SPIN1: variants seen among roughly 807,000 people sequenced by gnomAD.
The protein encoded by SPIN1 is spindlin-1.
Under a neutral mutation model 26.0 loss-of-function variants are expected in SPIN1, and 3 were observed. The ratio of observed to expected loss-of-function variants is 0.12; its 90% CI spans 0.05 to 0.30. The LOEUF is 0.30. Ranked by LOEUF, SPIN1 falls within the 10% of genes least tolerant of loss-of-function variation. The probability of loss-of-function intolerance (pLI) is 1.00; values close to 1 mark genes in which losing one functional copy is unlikely to be tolerated. For missense variants in SPIN1, 126 were observed against 333.4 expected (o/e 0.38, Z 4.84); for synonymous variants, 101 against 116.5 (o/e 0.87, Z 0.86).
intron 1 of SPIN1, among the ~76,000 whole-genome samples, chr9:88,401,345 A>T (rs946220330): frequency 6.6e-6 from 1 of 151,984 alleles, no homozygotes; most frequent in African/African-American, 2.4e-5. Context: ...CACTGTTAAT[A>T]ATAAGAGGTT....
At chr9:88,393,911 G>A (rs1826993510) in intron 1 of SPIN1, among the ~76,000 whole-genome samples, 1 of 151,984 alleles carries the variant, frequency 6.6e-6, no homozygotes, top group South Asian at 2.1e-4. Context: ...GCAGTGGTGT[G>A]ACCTTGGCTT....
chr9:88,427,300 A>T (rs1169606000), intron 2 of SPIN1, among the ~76,000 whole-genome samples: 3 of 152,130 alleles, frequency 2.0e-5, no homozygotes, highest in Non-Finnish European at 2.9e-5. Context: ...ATTTAGAACA[A>T]TTTCTTCTAT....
Position 88,404,915 on chromosome 9 carries a change from C to CA in SPIN1, c.-159+16391dup, listed in dbSNP as rs112038274. 5.0e-3 allele frequency among the ~76,000 whole-genome samples: 421 copies of CA among 83,418 alleles called. 9 individuals carry two copies. The highest frequency in any genetic ancestry group is 0.016 in the East Asian group (35 of 2,200). The allele number at this position is 83,418 out of a possible 152,430, so 54.7% of individuals were successfully genotyped here. A position where few individuals can be genotyped will look rare whatever the true frequency, so the allele number is the denominator to read the frequency against. ...TGGGGGCAAGAGTGAGATTTCGTCT[C>CA]AAAAAAAAAAAAAACAAAAAAAAAA... On this transcript the variant is annotated intron_variant, in intron 1 of 5. Coordinates refer to ENST00000375859, the MANE Select transcript of SPIN1 (RefSeq NM_006717.3).
At chr9:88,441,736 A>G (rs1302542282) in intron 2 of SPIN1, among the ~76,000 whole-genome samples, 2 of 151,180 alleles carry the variant, frequency 1.3e-5, no homozygotes, top group East Asian at 1.9e-4. Flanking sequence ...AGCCTGGGCC[A>G]CAGAGTGAGA....
intron 1 of SPIN1, among the ~76,000 whole-genome samples, chr9:88,402,961 T>A (rs1225584832): frequency 6.6e-6 from 1 of 152,210 alleles, no homozygotes; most frequent in East Asian, 1.9e-4. Context: ...CCTTGCCATC[T>A]TCTGTTGTTT....
In SPIN1 at chr9:88,394,252, C is replaced by T. The variant is rs573513659; in HGVS notation, c.-159+5714C>T. ...TGGTTCTCTTTCCTTTGACATGACA[C>T]GTAATCTCTGAAGCTTTTCTTGCTT... is the stretch of plus-strand genomic sequence containing the variant. On this transcript the variant is annotated intron_variant, in intron 1 of 5. Transcript: ENST00000375859. 4.6e-5 allele frequency among the ~76,000 whole-genome samples: 7 copies of T among 152,304 alleles called. 1 individual carries two copies. In the South Asian group the frequency reaches 8.3e-4, roughly 18 times the overall value.
At chr9:88,458,225 G>A (rs1453957729) in intron 3 of SPIN1, among the ~76,000 whole-genome samples, 1 of 152,094 alleles carries the variant, frequency 6.6e-6, no homozygotes, top group African/African-American at 2.4e-5. Flanking sequence ...AGGAAAGTGA[G>A]GAAATGAAAA....
Position 88,475,445 on chromosome 9 carries a change from C to A in SPIN1, c.*168C>A. 1 of 567,142 alleles carries A rather than the reference C, an allele frequency of 1.8e-6. No homozygotes were observed. Among genetic ancestry groups the A allele is most frequent in the Non-Finnish European group, 2.9e-6 (1 of 345,728 alleles). 35.1% of individuals were successfully genotyped at this position (567,142 alleles called of 1,614,324 possible). ...TGAATAGTACAGATTGATGTGAACA[C>A]AAAGCATTTTGTGTAAGGAGAACCC... On this transcript the variant is annotated 3_prime_UTR_variant, in exon 6 of 6. Coordinates refer to ENST00000375859, the MANE Select transcript of SPIN1 (RefSeq NM_006717.3).
At chr9:88,400,962 A>G (rs1337858526) in intron 1 of SPIN1, among the ~76,000 whole-genome samples, 1 of 152,120 alleles carries the variant, frequency 6.6e-6, no homozygotes, top group Admixed American at 6.6e-5. Flanking sequence ...GCGGTGAGCC[A>G]TGATCGTGCA....
chr9:88,410,189 G>GTGTGTGTA (rs869281652), intron 1 of SPIN1, among the ~76,000 whole-genome samples: 1 of 121,252 alleles, frequency 8.2e-6, no homozygotes, highest in African/African-American at 6.1e-5. Flanking sequence ...GTGTGTGTGT[G>GTGTGTGTA]CAACTTTTTT....
At chr9:88,410,918 G>T in intron 1 of SPIN1, 1 of 1,069,904 alleles carries the variant, frequency 9.3e-7, no homozygotes, top group Non-Finnish European at 1.4e-6. Flanking sequence ...CTCTTGCTTT[G>T]ACAGGGCTTT....
In SPIN1 at chr9:88,421,318, T is replaced by C. The variant is rs188875353; in HGVS notation, c.-158-5064T>C. ...GTGTGTGTGTGTGTCTGTGTGTTTTTTCTTTTGATACAGGGTCTCAGTTGC... is the reference window on the plus strand; with the variant it reads ...GTGTGTGTGTGTGTCTGTGTGTTTTCTCTTTTGATACAGGGTCTCAGTTGC... On this transcript the variant is annotated intron_variant, in intron 1 of 5. Transcript: ENST00000375859. Among the ~76,000 whole-genome samples the C allele has an allele frequency of 1.4e-3, 213 of 152,236 alleles. 1 individual carries two copies. The highest frequency in any genetic ancestry group is 4.8e-3 in the African/African-American group (200 of 41,536).
At chr9:88,417,786 GTTATGTGCTTC>G in intron 1 of SPIN1, among the ~76,000 whole-genome samples, 1 of 152,256 alleles carries the variant, frequency 6.6e-6, no homozygotes, top group South Asian at 2.1e-4. Context: ...TCCAGGTTAT[GTTATGTGCTTC>G]TGACACACTA....
intron 3 of SPIN1, among the ~76,000 whole-genome samples, chr9:88,452,360 C>T (rs1201270753): frequency 6.6e-6 from 1 of 152,160 alleles, no homozygotes; most frequent in Non-Finnish European, 1.5e-5. Context: ...TAAGTACCAC[C>T]CCATATTTAC....
At chr9:88,453,972 C>G (rs1487330357) in intron 3 of SPIN1, among the ~76,000 whole-genome samples, 1 of 152,168 alleles carries the variant, frequency 6.6e-6, no homozygotes, top group African/African-American at 2.4e-5. Context: ...TTAGCCATTA[C>G]ACAGATACCG....
At chr9:88,398,927 C>T (rs1455188811) in intron 1 of SPIN1, among the ~76,000 whole-genome samples, 10 of 151,384 alleles carry the variant, frequency 6.6e-5, no homozygotes, top group Non-Finnish European at 7.4e-5. Context: ...AAAATGAAAC[C>T]CCTAGGATGG....
Position 88,462,746 on chromosome 9 carries a change from G to A in SPIN1, c.352G>A (p.Val118Ile). The A allele has an allele frequency of 6.2e-7, 1 of 1,603,500 alleles. No individual in the cohort carries two copies. The highest frequency in any genetic ancestry group is 8.5e-7 in the Non-Finnish European group (1 of 1,175,128). The change falls in exon 4 of 6, where the codon GTT becomes ATT. Residue 118 changes from valine to isoleucine, a missense_variant. This residue lies in a region of SPIN1 where 23 missense variants were observed against 43.0 expected (regional missense o/e 0.54). Coordinates refer to ENST00000375859, the MANE Select transcript of SPIN1 (RefSeq NM_006717.3). ...VSALEVLPDR[V>I]ATSRISDAHL... is the part of the protein sequence containing the mutation. The stretch of plus-strand genomic sequence containing the variant: ...TGCGCTTGAAGTCCTCCCTGATAGA[G>A]TTGGTAAGTTCTTTTTATAATTTGT...
chr9:88,443,809 C>G (rs1828187689), intron 2 of SPIN1, among the ~76,000 whole-genome samples: 1 of 152,154 alleles, frequency 6.6e-6, no homozygotes, highest in African/African-American at 2.4e-5. Context: ...AGTTTCCCCA[C>G]CCCTACCCCT....
chr9:88,474,691 G>C (rs1420659744), intron 5 of SPIN1, among the ~76,000 whole-genome samples: 1 of 152,190 alleles, frequency 6.6e-6, no homozygotes, highest in Non-Finnish European at 1.5e-5. Context: ...TGCAGCTACA[G>C]ATTAAACATG....
Sources: allele counts gnomAD v4.1 joint callset (sites outside exome capture counted in the v4.1 genomes callset), GRCh38; gene constraint gnomAD v4.1.1; regional missense constraint gnomAD v4.1.1; transcripts MANE v1.5; gene names NCBI Gene and HGNC (gene_info 2026-07-23, HGNC 2026-07-21).